CMSS1: variants seen among roughly 807,000 people sequenced by gnomAD.
The protein encoded by CMSS1 is cms1 ribosomal small subunit homolog.
Under a neutral mutation model 43.5 loss-of-function variants are expected in CMSS1, and 33 were observed. The ratio of observed to expected loss-of-function variants is 0.76; its 90% CI spans 0.57 to 1.01. The LOEUF (loss-of-function observed/expected upper bound fraction) is 1.01, where lower values mean the gene tolerates loss of function less well. Ranked by LOEUF, CMSS1 falls within the 50% of genes least tolerant of loss-of-function variation. The pLI, the probability that CMSS1 is intolerant of heterozygous loss-of-function variation, is 0.00. For missense variants in CMSS1, 313 were observed against 326.4 expected, an observed-to-expected ratio of 0.96 and a Z score of 0.32; for synonymous variants, 115 against 117.2, an observed-to-expected ratio of 0.98 and a Z score of 0.12.
intron 1 of CMSS1, among the ~76,000 whole-genome samples, chr3:99,995,787 A>G (rs1049243972): frequency 2.6e-5 from 4 of 152,214 alleles, no homozygotes; most frequent in African/African-American, 9.6e-5. Flanking sequence ...CCACAGCTCA[A>G]GGTCTGCGTT....
chr3:100,068,072 T>C (rs973360278), intron 1 of CMSS1, among the ~76,000 whole-genome samples: 2 of 152,174 alleles, frequency 1.3e-5, no homozygotes, highest in Admixed American at 6.5e-5. Flanking sequence ...AATTTAGGAA[T>C]AACTACTTCC....
intron 1 of CMSS1, chr3:99,849,981 A>G (rs750578542): frequency 6.2e-7 from 1 of 1,612,230 alleles, no homozygotes; most frequent in East Asian, 2.2e-5. Flanking sequence ...TTTTTAAATC[A>G]TCTCTCTCCT....
Position 100,106,334 on chromosome 3 carries a change from A to G in CMSS1, c.65-40639A>G, listed in dbSNP as rs549524566. Among the ~76,000 whole-genome samples the G allele has an allele frequency of 3.9e-5, 6 of 152,278 alleles. No homozygotes were observed. The South Asian group carries it at 1.2e-3, about 32-fold the overall frequency. On this transcript the variant is annotated intron_variant, in intron 1 of 9. Coordinates refer to ENST00000421999, the MANE Select transcript of CMSS1 (RefSeq NM_032359.4). ...AGTCCTCTTCCAGGCCAGCCTAGGC[A>G]TGACTGATTCTACATGTAACCTAAT...
At chr3:100,000,510 G>A (rs1038643504) in intron 1 of CMSS1, among the ~76,000 whole-genome samples, 8 of 152,058 alleles carry the variant, frequency 5.3e-5, no homozygotes, top group East Asian at 1.9e-4. Flanking sequence ...GGGTAAAAAC[G>A]GGTGAAAATT....
intron 1 of CMSS1, among the ~76,000 whole-genome samples, chr3:100,085,184 G>A (rs2065988431): frequency 6.6e-6 from 1 of 152,170 alleles, no homozygotes; most frequent in African/African-American, 2.4e-5. Context: ...TGTTTTAAAA[G>A]TATCTAAGGT....
chr3:100,069,448 G>A (rs74324458), intron 1 of CMSS1, among the ~76,000 whole-genome samples: 1,791 of 152,238 alleles, frequency 0.012, 19 homozygotes, highest in African/African-American at 0.026. Flanking sequence ...AGAGAAAGGA[G>A]ATGGCTGGTT....
intron 1 of CMSS1, among the ~76,000 whole-genome samples, chr3:100,074,041 T>A (rs2065805987): frequency 6.6e-6 from 1 of 152,216 alleles, no homozygotes; most frequent in Non-Finnish European, 1.5e-5. Context: ...TACTGTTAAC[T>A]GCGGGAAAAG....
At chr3:99,940,265 T>C (rs985553688) in intron 1 of CMSS1, among the ~76,000 whole-genome samples, 16 of 152,130 alleles carry the variant, frequency 1.1e-4, no homozygotes, top group African/African-American at 2.9e-4. Flanking sequence ...CCAAGTTAGG[T>C]TTAAATGCAT....
Position 99,850,759 on chromosome 3 carries a change from T to C in CMSS1, c.64+32716T>C, listed in dbSNP as rs377167112. 5.1e-5 allele frequency: 82 copies of C among 1,614,218 alleles called. 1 individual carries two copies. In the Middle Eastern group the frequency reaches 9.9e-4, roughly 19 times the overall value. On this transcript the variant is annotated intron_variant, in intron 1 of 9. Transcript: ENST00000421999. The stretch of plus-strand genomic sequence containing the variant: ...GGTGAGCTTCGCCATAATTGTGTCT[T>C]GGTCTTGGTGAAACTTTGTGGTCTG...
At chr3:99,879,606 A>G (rs1705652361) in intron 1 of CMSS1, among the ~76,000 whole-genome samples, 1 of 152,170 alleles carries the variant, frequency 6.6e-6, no homozygotes, top group South Asian at 2.1e-4. Context: ...GCAGTAATTA[A>G]TAGGATGTTT....
intron 1 of CMSS1, among the ~76,000 whole-genome samples, chr3:99,915,844 A>T (rs1400170647): frequency 2.6e-5 from 4 of 152,220 alleles, no homozygotes; most frequent in African/African-American, 9.7e-5. Flanking sequence ...TCTCCCCTAT[A>T]CTAAACAATA....
intron 1 of CMSS1, among the ~76,000 whole-genome samples, chr3:100,071,535 A>G (rs1258348578): frequency 6.6e-6 from 1 of 152,210 alleles, no homozygotes; most frequent in East Asian, 1.9e-4. Context: ...GGCAGAGTAC[A>G]GAATAGCCCA....
Position 100,019,353 on chromosome 3 carries a change from G to T in CMSS1, c.65-127620G>T, listed in dbSNP as rs78150487. Among the ~76,000 whole-genome samples, 102 of 152,056 alleles carry T rather than the reference G, an allele frequency of 6.7e-4. 3 individuals are homozygous for T. In the East Asian group the frequency reaches 0.017, roughly 25 times the overall value. ...CCAGCCTGGGTGAAACAGCCAAGGGGTAAAAGACATAAAAATATGAATTGA... is the reference window on the plus strand; with the variant it reads ...CCAGCCTGGGTGAAACAGCCAAGGGTTAAAAGACATAAAAATATGAATTGA... On this transcript the variant is annotated intron_variant, in intron 1 of 9. Transcript: ENST00000421999.
chr3:99,919,970 A>G (rs1707073229), intron 1 of CMSS1, among the ~76,000 whole-genome samples: 1 of 152,226 alleles, frequency 6.6e-6, no homozygotes, highest in Non-Finnish European at 1.5e-5. Flanking sequence ...GATTAATTCT[A>G]CCTTGACTCC....
At chr3:100,108,994 A>G (rs1008667560) in intron 1 of CMSS1, among the ~76,000 whole-genome samples, 4 of 151,790 alleles carry the variant, frequency 2.6e-5, no homozygotes, top group African/African-American at 9.7e-5. Flanking sequence ...TTTTGGTCCC[A>G]TGGCTTTTTC....
chr3:100,131,223 A>G (rs2066705552), intron 1 of CMSS1, among the ~76,000 whole-genome samples: 1 of 152,188 alleles, frequency 6.6e-6, no homozygotes, highest in Non-Finnish European at 1.5e-5. Context: ...AAGCTCACAC[A>G]GCTTGTAAAT....
intron 1 of CMSS1, among the ~76,000 whole-genome samples, chr3:99,844,401 A>G (rs1319599610): frequency 6.6e-6 from 1 of 152,180 alleles, no homozygotes; most frequent in Non-Finnish European, 1.5e-5. Flanking sequence ...TCTTGGGATT[A>G]CAAAGCAAAA....
chr3:100,087,258 T>C (rs1488952970), intron 1 of CMSS1, among the ~76,000 whole-genome samples: 4 of 152,238 alleles, frequency 2.6e-5, no homozygotes, highest in Non-Finnish European at 4.4e-5. Flanking sequence ...TTTAGCATCT[T>C]ATAAAGAACT....
chr3:99,826,546 A>G (rs1329557991), intron 1 of CMSS1, among the ~76,000 whole-genome samples: 7 of 152,216 alleles, frequency 4.6e-5, no homozygotes, highest in Non-Finnish European at 1.0e-4. Flanking sequence ...TTGTTTTTCA[A>G]CTTTCACAGT....
Sources: allele counts gnomAD v4.1 joint callset (sites outside exome capture counted in the v4.1 genomes callset), GRCh38; gene constraint gnomAD v4.1.1; transcripts MANE v1.5; gene names NCBI Gene and HGNC (gene_info 2026-07-23, HGNC 2026-07-21).